The following COL26A1 variants were observed in gnomAD, a reference collection of about 807,000 sequenced individuals.
The protein encoded by COL26A1 is collagen alpha-1(XXVI) chain.
In COL26A1, 41 loss-of-function variants were observed where a neutral mutation model predicts 59.3. The ratio of observed to expected loss-of-function variants is 0.69; its 90% CI spans 0.54 to 0.90. COL26A1 has a LOEUF of 0.90. Among genes scored for constraint, COL26A1 ranks in the 40% least tolerant of loss-of-function variants. COL26A1 has a pLI of 0.00. For synonymous variants in COL26A1, 266 were observed against 256.0 expected, an observed-to-expected ratio of 1.04 and a Z score of -0.37; for missense variants, 612 against 602.3, an observed-to-expected ratio of 1.02 and a Z score of -0.17.
chr7:101,370,152 C>A (rs886417689), intron 1 of COL26A1, among the ~76,000 whole-genome samples: 1 of 151,962 alleles, frequency 6.6e-6, no homozygotes, highest in Admixed American at 6.6e-5. Context: ...TGAACCACCG[C>A]GCCTGGCCTG....
At chr7:101,370,993 C>A (rs1791179416) in intron 1 of COL26A1, among the ~76,000 whole-genome samples, 1 of 152,172 alleles carries the variant, frequency 6.6e-6, no homozygotes, top group African/African-American at 2.4e-5. Flanking sequence ...CAGATGGAGT[C>A]ATTTCTCCTT....
chr7:101,414,974 A>C (rs1792338503), intron 1 of COL26A1, among the ~76,000 whole-genome samples: 1 of 152,170 alleles, frequency 6.6e-6, no homozygotes, highest in African/African-American at 2.4e-5. Flanking sequence ...ATGGGCAATG[A>C]AGTTTAACCT....
intron 3 of COL26A1, among the ~76,000 whole-genome samples, chr7:101,499,736 G>A (rs1441981661): frequency 2.0e-5 from 3 of 151,678 alleles, no homozygotes; most frequent in East Asian, 1.9e-4. Flanking sequence ...AATTAGCCAG[G>A]CATGGTTGCA....
chr7:101,394,379 G>C (rs932510587), intron 1 of COL26A1, among the ~76,000 whole-genome samples: 2 of 137,628 alleles, frequency 1.5e-5, no homozygotes, highest in Non-Finnish European at 2.9e-5. Flanking sequence ...AAGTCACTCA[G>C]TTGGTGGTAA....
chr7:101,387,778 A>ATATTTTTTTTTTTTTTT (rs773025730), intron 1 of COL26A1, among the ~76,000 whole-genome samples: 1 of 84,836 alleles, frequency 1.2e-5, no homozygotes, highest in African/African-American at 5.0e-5. Flanking sequence ...ATATATATAT[A>ATATTTTTTTTTTTTTTT]TTTTTTTTTA....
intron 1 of COL26A1, among the ~76,000 whole-genome samples, chr7:101,383,054 A>G (rs543008630): frequency 6.6e-6 from 1 of 152,266 alleles, no homozygotes. Context: ...AAAAACAAAA[A>G]CAAGAAAGAA....
intron 1 of COL26A1, among the ~76,000 whole-genome samples, chr7:101,418,870 C>A (rs562689490): frequency 4.6e-5 from 7 of 152,026 alleles, no homozygotes; most frequent in Non-Finnish European, 1.0e-4. Flanking sequence ...CTCTCCACTG[C>A]CCAAGCTTGC....
At chr7:101,495,108 A>G (rs11773600) in intron 3 of COL26A1, among the ~76,000 whole-genome samples, 17,642 of 152,222 alleles carry the variant, frequency 0.12, 1,078 homozygotes, top group Non-Finnish European at 0.13. Flanking sequence ...GCATTACGTT[A>G]TCTGCTGAGA....
chr7:101,506,201 C>T (rs1794809623), intron 3 of COL26A1, among the ~76,000 whole-genome samples: 1 of 152,230 alleles, frequency 6.6e-6, no homozygotes, highest in African/African-American at 2.4e-5. Context: ...ATGCCTTTAA[C>T]TTCCTGACTG....
chr7:101,447,343 A>C (rs1256614862), intron 2 of COL26A1, among the ~76,000 whole-genome samples: 2 of 152,170 alleles, frequency 1.3e-5, no homozygotes, highest in Non-Finnish European at 2.9e-5. Flanking sequence ...TCTTTTTGGG[A>C]AAGAGATATT....
At chr7:101,415,853 G>A (rs141448622) in intron 1 of COL26A1, among the ~76,000 whole-genome samples, 2,704 of 151,874 alleles carry the variant, frequency 0.018, 39 homozygotes, top group Non-Finnish European at 0.028. Flanking sequence ...GGTTAGTCTG[G>A]AACTTCTGGG....
intron 3 of COL26A1, among the ~76,000 whole-genome samples, chr7:101,457,437 T>C (rs1246556601): frequency 1.3e-5 from 2 of 152,200 alleles, no homozygotes. Context: ...CCTTTCATTG[T>C]CTTTCAAAGG....
At chr7:101,539,722 G>A (rs1455788784) in intron 4 of COL26A1, among the ~76,000 whole-genome samples, 171 bp from the exon 5 acceptor site, 1 of 152,186 alleles carries the variant, frequency 6.6e-6, no homozygotes, top group Non-Finnish European at 1.5e-5. Context: ...GGGCTGGGAT[G>A]GAGGGAACCT....
intron 3 of COL26A1, among the ~76,000 whole-genome samples, chr7:101,477,361 G>C (rs577260817): frequency 6.6e-5 from 10 of 152,250 alleles, no homozygotes; most frequent in African/African-American, 2.4e-4. Flanking sequence ...TTAGCATGCG[G>C]AGTGTGAGGT....
In COL26A1 at chr7:101,452,674, C is replaced by T. The variant is rs193083514; in HGVS notation, c.385+4887C>T. ...GTATAGCATGTGACTATGCTGAATT[C>T]TGGAGGCATTAGGAATATAATGGTA... On this transcript the variant is annotated intron_variant, in intron 3 of 12. Coordinates refer to ENST00000313669, the MANE Select transcript of COL26A1 (RefSeq NM_001278563.3). 1.6e-3 allele frequency among the ~76,000 whole-genome samples: 245 copies of T among 152,156 alleles called. 1 individual carries two copies. The highest frequency in any genetic ancestry group is 5.6e-3 in the African/African-American group (231 of 41,500).
At chr7:101,418,370 A>C (rs1423040882) in intron 1 of COL26A1, among the ~76,000 whole-genome samples, 4 of 152,074 alleles carry the variant, frequency 2.6e-5, no homozygotes, top group Non-Finnish European at 5.9e-5. Context: ...TTTTGCCTTC[A>C]ATGTGGGCCC....
intron 1 of COL26A1, among the ~76,000 whole-genome samples, chr7:101,409,227 A>T (rs561445546): frequency 6.6e-6 from 1 of 152,314 alleles, no homozygotes; most frequent in Non-Finnish European, 1.5e-5. Flanking sequence ...GAGTAGGGAT[A>T]GTTCCTCCTC....
chr7:101,368,887 GAAAAAACTCACT>G (rs1469968329), intron 1 of COL26A1, among the ~76,000 whole-genome samples: 2 of 151,330 alleles, frequency 1.3e-5, no homozygotes. Flanking sequence ...TTTGTAGGTA[GAAAAAACTCACT>G]CAAAATCTGG....
At chr7:101,366,416 G>C (rs370903127) in intron 1 of COL26A1, among the ~76,000 whole-genome samples, 21 of 150,542 alleles carry the variant, frequency 1.4e-4, no homozygotes, top group African/African-American at 3.9e-4. Flanking sequence ...TGATGACAGG[G>C]CTGTTTCTTG....
Sources: allele counts gnomAD v4.1 joint callset (sites outside exome capture counted in the v4.1 genomes callset), GRCh38; gene constraint gnomAD v4.1.1; transcripts MANE v1.5; gene names NCBI Gene and HGNC (gene_info 2026-07-23, HGNC 2026-07-21).